GTF3A: variants seen among roughly 807,000 people sequenced by gnomAD.
GTF3A encodes the protein general transcription factor IIIA.
In GTF3A, 40 loss-of-function variants were observed where a neutral mutation model predicts 37.6. The ratio of observed to expected loss-of-function variants is 1.06; its 90% CI spans 0.83 to 1.38. The LOEUF (loss-of-function observed/expected upper bound fraction) is 1.38, where lower values mean the gene tolerates loss of function less well. Ranked by LOEUF, GTF3A falls within the 40% of genes most tolerant of loss-of-function variation. GTF3A has a pLI of 0.00. For synonymous variants in GTF3A, 191 were observed against 166.7 expected (o/e 1.15, Z -1.12); for missense variants, 500 against 462.6 (o/e 1.08, Z -0.74).
At chr13:27,427,053 T>C (rs578071120) in intron 1 of GTF3A, 39 bp from the exon 2 acceptor site, 14 of 986,000 alleles carry the variant, frequency 1.4e-5, no homozygotes, top group African/African-American at 1.3e-4. Context: ...AGTTACTAAC[T>C]AGTGCAGAAG....
In GTF3A at chr13:27,428,750, C is replaced by T. The variant is rs183083777; in HGVS notation, c.303-1120C>T. On this transcript the variant is annotated intron_variant, in intron 2 of 8. Transcript: ENST00000381140. ...AAGAGATGCTTAAACAAGATGGGCT[C>T]TTTGTCTTGTGCGACTGAAATACAG... 3.2e-4 allele frequency among the ~76,000 whole-genome samples: 49 copies of T among 152,310 alleles called. No individual in the cohort carries two copies. In the East Asian group the frequency reaches 9.1e-3, roughly 28 times the overall value.
intron 1 of GTF3A, 34 bp from the exon 2 acceptor site, chr13:27,427,058 C>T (rs1483205427): frequency 1.9e-6 from 2 of 1,061,734 alleles, no homozygotes; most frequent in Admixed American, 3.6e-5. Flanking sequence ...CTAACTAGTG[C>T]AGAAGTGACA....
chr13:27,424,990 G>T, intron 1 of GTF3A, 52 bp downstream of exon 1: 1 of 1,399,088 alleles, frequency 7.1e-7, no homozygotes, highest in Non-Finnish European at 9.8e-7. Flanking sequence ...GCGTGGCCCC[G>T]GGGTAGCCAC....
At chr13:27,434,241 G>A (rs776622376) in intron 6 of GTF3A, 22 bp downstream of exon 6, 15 of 893,152 alleles carry the variant, frequency 1.7e-5, no homozygotes, top group Non-Finnish European at 2.9e-5. Flanking sequence ...ATGAATGGCA[G>A]GCATGGTGTA....
At chr13:27,434,725 T>C in intron 6 of GTF3A, 80 bp from the exon 7 acceptor site, 1 of 717,700 alleles carries the variant, frequency 1.4e-6, no homozygotes, top group East Asian at 2.7e-5. Flanking sequence ...CACTGAATGT[T>C]ACTTATATAT....
chr13:27,432,154 T>C (rs1953662933), intron 4 of GTF3A, among the ~76,000 whole-genome samples: 1 of 152,228 alleles, frequency 6.6e-6, no homozygotes, highest in Admixed American at 6.5e-5. Context: ...GCTCTCTGCA[T>C]GGCTCTGGCC....
chr13:27,427,247 C>G (rs1270617783), intron 2 of GTF3A, 55 bp downstream of exon 2: 1 of 824,736 alleles, frequency 1.2e-6, no homozygotes, highest in Non-Finnish European at 2.1e-6. Flanking sequence ...GGCATATAGA[C>G]CCAGTAAGAA....
In GTF3A at chr13:27,434,194, G is replaced by C; in HGVS notation, c.618G>C (p.Leu206=). The stretch of plus-strand genomic sequence containing the variant: ...TGGCAAAAACATGGACGGAACTTCT[G>C]AAACATGTGAGAGAAACCCATAAAG... The change falls in exon 6 of 9, where the codon CTG becomes CTC. Residue 206 remains leucine, a synonymous_variant. Transcript: ENST00000381140. 1 of 1,357,710 alleles carries C rather than the reference G, an allele frequency of 7.4e-7. No homozygotes were observed. The allele number at this position is 1,357,710 out of a possible 1,614,324, so 84.1% of individuals were successfully genotyped here.
At position 27,429,960 on chromosome 13, in the gene GTF3A, A is replaced by G; in HGVS notation, c.393A>G (p.Gln131=). ...GCAAACATGAAAATCAACAAAAACA[A>G]TATATAGTAAGTATGATTTTATATG... is the stretch of plus-strand genomic sequence containing the variant. Residue 131 remains glutamine (Q), a synonymous_variant, in exon 3 of 9, where the codon CAA becomes CAG. Coordinates refer to ENST00000381140, the MANE Select transcript of GTF3A (RefSeq NM_002097.3). The G allele has an allele frequency of 4.8e-6, 7 of 1,465,436 alleles. No individual in the cohort carries two copies. The highest frequency in any genetic ancestry group is 6.5e-6 in the Non-Finnish European group (7 of 1,082,532). 90.8% of individuals were successfully genotyped at this position (1,465,436 alleles called of 1,614,324 possible). A position where few individuals can be genotyped will look rare whatever the true frequency, so the allele number is the denominator to read the frequency against.
chr13:27,429,342 G>C (rs1953637681), intron 2 of GTF3A: 1 of 146,794 alleles, frequency 6.8e-6, no homozygotes, highest in African/African-American at 2.5e-5. Context: ...AGAGGATTTA[G>C]ATCATTCAAA....
intron 5 of GTF3A, among the ~76,000 whole-genome samples, chr13:27,433,884 G>A (rs937678552): frequency 4.6e-5 from 7 of 152,162 alleles, no homozygotes; most frequent in African/African-American, 1.4e-4. Context: ...CCGTGATCAC[G>A]CTGAGAAGAT....
At chr13:27,431,059 CTTAAT>C (rs1359294935) in intron 4 of GTF3A, among the ~76,000 whole-genome samples, 2 of 152,136 alleles carry the variant, frequency 1.3e-5, no homozygotes, top group African/African-American at 2.4e-5. Context: ...AGGTCATAAA[CTTAAT>C]TTGAGTTGAT....
Position 27,429,900 on chromosome 13 carries a change from C to A in GTF3A, c.333C>A (p.Phe111Leu). The A allele has an allele frequency of 6.5e-7, 1 of 1,535,040 alleles. No individual in the cohort carries two copies. Among genetic ancestry groups the A allele is most frequent in the South Asian group, 1.2e-5 (1 of 80,326 alleles). Residue 111 changes from phenylalanine (F) to leucine (L), a missense_variant, in exon 3 of 9, where the codon TTC (phenylalanine) becomes TTA (leucine). Transcript: ENST00000381140. ...CAGCCAATGGCTGTGATCAAAAATT[C>A]AACACAAAATCAAACTTGAAGAAAC...
At chr13:27,434,049 A>G in intron 5 of GTF3A, 90 bp from the exon 6 acceptor site, 1 of 706,714 alleles carries the variant, frequency 1.4e-6, no homozygotes, top group South Asian at 1.6e-5. Context: ...GGGAATGGAA[A>G]ATTATATAGG....
rs1953585087 is a variant in GTF3A at position 27,424,658 on chromosome 13, TGGGCCGGGCGCGCC to T, written c.-77_-64del. The stretch of plus-strand genomic sequence containing the variant: ...CGCGCGAAGGTTCAGCAGGGAGCCG[TGGGCCGGGCGCGCC>T]GGTTCCCGGCACGTGTCTCGGCACG... On this transcript the variant is annotated 5_prime_UTR_variant, in exon 1 of 9. Transcript: ENST00000381140. The T allele has an allele frequency of 9.2e-7, 1 of 1,087,642 alleles. No individual in the cohort carries two copies. The highest frequency in any genetic ancestry group is 1.7e-5 in the African/African-American group (1 of 59,988). The allele number at this position is 1,087,642 out of a possible 1,614,324, so 67.4% of individuals were successfully genotyped here.
intron 6 of GTF3A, 140 bp from the exon 7 acceptor site, chr13:27,434,665 G>A (rs1953692472): frequency 3.4e-6 from 2 of 593,256 alleles, no homozygotes; most frequent in South Asian, 2.3e-5. Context: ...TAAAAACTGG[G>A]GTTGTTTCCT....
rs1290556214 is a variant in GTF3A, at chr13:27,434,986, C to A, written c.825C>A (p.Arg275=). 3 of 1,612,136 alleles carry A rather than the reference C, an allele frequency of 1.9e-6. No homozygotes were observed. The highest frequency in any genetic ancestry group is 2.5e-6 in the Non-Finnish European group (3 of 1,178,208). The change falls in exon 7 of 9, where the codon CGC becomes CGA. Residue 275 remains arginine (R), a synonymous_variant. Coordinates refer to ENST00000381140, the MANE Select transcript of GTF3A (RefSeq NM_002097.3). Reference sequence around the variant, plus strand: ...TCCTCTCCTTCCATGAGGAAAGCCGCCCTTTTGTGTGTGAACATGCTGGCT... The same window carrying A: ...TCCTCTCCTTCCATGAGGAAAGCCGACCTTTTGTGTGTGAACATGCTGGCT...
Position 27,424,903 on chromosome 13 carries a change from A to G in GTF3A, c.166A>G (p.Lys56Glu), listed in dbSNP as rs1251636051. 6.5e-7 allele frequency: 1 copy of G among 1,549,862 alleles called. No individual in the cohort carries two copies. Residue 56 changes from lysine (K) to glutamate (E), a missense_variant, in exon 1 of 9, where the codon AAG becomes GAG. Transcript: ENST00000381140. ...CAGCGCCAATTACAGCAAAGCCTGG[A>G]AGCTTGACGCGCACCTGTGCAAGCA...
Position 27,434,929 on chromosome 13 carries a change from C to A in GTF3A, c.768C>A (p.Thr256=), listed in dbSNP as rs773042984. The A allele has an allele frequency of 3.9e-5, 62 of 1,609,394 alleles. No homozygotes were observed. The highest frequency in any genetic ancestry group is 5.2e-5 in the Non-Finnish European group (61 of 1,175,792). Residue 256 remains threonine (T), a synonymous_variant, in exon 7 of 9, where the codon ACC becomes ACA. Transcript: ENST00000381140. ...GTCCAAGAGAAGGCTGTGGAAGAAC[C>A]TATACAACTGTGTTTAATCTCCAAA...
Sources: allele counts gnomAD v4.1 joint callset (sites outside exome capture counted in the v4.1 genomes callset), GRCh38; gene constraint gnomAD v4.1.1; transcripts MANE v1.5; gene names NCBI Gene and HGNC (gene_info 2026-07-23, HGNC 2026-07-21).